The following ZNF770 variants were observed in gnomAD, a reference collection of about 807,000 sequenced individuals.
ZNF770 encodes the protein zinc finger protein 770.
Under a neutral mutation model 44.8 loss-of-function variants are expected in ZNF770, and 13 were observed. That is an observed-to-expected ratio of 0.29 (90% confidence interval 0.19 to 0.46). The LOEUF is 0.46. Ranked by LOEUF, ZNF770 falls within the 20% of genes least tolerant of loss-of-function variation. The pLI is 1.00. For synonymous variants in ZNF770, 304 were observed against 271.8 expected (o/e 1.12, Z -1.17); for missense variants, 681 against 797.9 (o/e 0.85, Z 1.77).
At chr15:34,983,704 A>G (rs920988905) in intron 2 of ZNF770, among the ~76,000 whole-genome samples, 1 of 152,190 alleles carries the variant, frequency 6.6e-6, no homozygotes, top group Non-Finnish European at 1.5e-5. Flanking sequence ...TCTAAAAATC[A>G]ATACAATTTT....
In ZNF770 at chr15:34,982,084, A is replaced by T. The variant is rs979444186; in HGVS notation, c.1351T>A (p.Phe451Ile). 2 of 1,613,790 alleles carry T rather than the reference A, an allele frequency of 1.2e-6. No homozygotes were observed. Among genetic ancestry groups the T allele is most frequent in the Non-Finnish European group, 1.7e-6 (2 of 1,180,024 alleles). ...SICGSSGEEF[F>I]NNCEVLQCGF... ...CACTGAAGTACCTCACAGTTATTAAAGAATTCCTCACCTGATGAACCACAG... is the reference window on the plus strand; with the variant it reads ...CACTGAAGTACCTCACAGTTATTAATGAATTCCTCACCTGATGAACCACAG... Residue 451 changes from phenylalanine to isoleucine, a missense_variant, in exon 3 of 3, where the codon TTT becomes ATT. By Grantham distance (21) the Phe-to-Ile change is conservative. Coordinates refer to ENST00000356321, the MANE Select transcript of ZNF770 (RefSeq NM_014106.4).
In ZNF770 at chr15:34,981,553, T is replaced by C. The variant is rs1234502171; in HGVS notation, c.1882A>G (p.Ser628Gly). 1.9e-6 allele frequency: 3 copies of C among 1,614,192 alleles called. No homozygotes were observed. Among genetic ancestry groups the C allele is most frequent in the Non-Finnish European group, 2.5e-6 (3 of 1,180,030 alleles). The change falls in exon 3 of 3, where the codon AGT becomes GGT. Residue 628 changes from serine to glycine, a missense_variant. This residue lies in a region of ZNF770 where 148 missense variants were observed against 191.0 expected (regional missense o/e 0.77). Transcript: ENST00000356321. ...EKNDVFLYRC[S>G]VCAKSFRSPS... Reference sequence around the variant, plus strand: ...GATCGGAAACTTTTAGCACAAACACTGCATCGGTACAGGAAGACATCATTT... The same window carrying C: ...GATCGGAAACTTTTAGCACAAACACCGCATCGGTACAGGAAGACATCATTT...
At chr15:34,987,288 T>C (rs978955494) in intron 2 of ZNF770, among the ~76,000 whole-genome samples, 3 of 152,222 alleles carry the variant, frequency 2.0e-5, no homozygotes, top group South Asian at 2.1e-4. Flanking sequence ...CTGGGAGCCC[T>C]AGATTGTTAG....
rs58721310 is a variant in ZNF770, at chr15:34,979,972, CA to C, written c.*1386del. 18,995 of 197,570 alleles carry C rather than the reference CA, an allele frequency of 0.096. 2,814 individuals carry two copies. Among genetic ancestry groups the C allele is most frequent in the African/African-American group, 0.36 (14,987 of 41,816 alleles). 12.2% of individuals were successfully genotyped at this position (197,570 alleles called of 1,614,324 possible). A position where few individuals can be genotyped will look rare whatever the true frequency, so the allele number is the denominator to read the frequency against. ...ATTTGGAATGATACCCACAACTCTACAAGCATCTTATCCCTCTACAGGAATG... is the reference window on the plus strand; with the variant it reads ...ATTTGGAATGATACCCACAACTCTACAGCATCTTATCCCTCTACAGGAATG... On this transcript the variant is annotated 3_prime_UTR_variant, in exon 3 of 3. Transcript: ENST00000356321.
Position 34,983,482 on chromosome 15 carries a change from C to T in ZNF770, c.-48G>A. 7 of 1,326,956 alleles carry T rather than the reference C, an allele frequency of 5.3e-6. No homozygotes were observed. Among genetic ancestry groups the T allele is most frequent in the Non-Finnish European group, 6.9e-6 (7 of 1,020,592 alleles). The allele number at this position is 1,326,956 out of a possible 1,614,324, so 82.2% of individuals were successfully genotyped here. On this transcript the variant is annotated 5_prime_UTR_variant, in exon 3 of 3. Coordinates refer to ENST00000356321, the MANE Select transcript of ZNF770 (RefSeq NM_014106.4). ...TGAGCTCCATACTGTTCTTAAATTC[C>T]ACAGATGTCTAAAAATTAAAGGAAA...
Position 34,979,732 on chromosome 15 carries a change from T to C in ZNF770, c.*1627A>G. ...ACTTACAATTGTTCATTTATCCACATTCTCAATAGAGGATTTTCCACTATA... is the reference window on the plus strand; with the variant it reads ...ACTTACAATTGTTCATTTATCCACACTCTCAATAGAGGATTTTCCACTATA... On this transcript the variant is annotated 3_prime_UTR_variant, in exon 3 of 3. Coordinates refer to ENST00000356321, the MANE Select transcript of ZNF770 (RefSeq NM_014106.4). 2.3e-6 allele frequency: 1 copy of C among 441,468 alleles called. No individual in the cohort carries two copies. The highest frequency in any genetic ancestry group is 4.5e-6 in the Non-Finnish European group (1 of 221,304). The allele number at this position is 441,468 out of a possible 1,614,324, so 27.3% of individuals were successfully genotyped here. A position where few individuals can be genotyped will look rare whatever the true frequency, so the allele number is the denominator to read the frequency against.
chr15:34,983,119 T>C lies in ZNF770; in HGVS notation c.316A>G (p.Thr106Ala), dbSNP rs773915158. ...ACCTGTTTAACATTATTCTGATAGGTTTCATTGTGAAGTTGTTGGTGCTTC... is the reference window on the plus strand; with the variant it reads ...ACCTGTTTAACATTATTCTGATAGGCTTCATTGTGAAGTTGTTGGTGCTTC... ...FVKHQQLHNE[T>A]YQNNVKQVRR... The change falls in exon 3 of 3, where the codon ACC becomes GCC. Residue 106 changes from threonine (T) to alanine (A), a missense_variant. Thr to Ala is a moderately conservative substitution (Grantham distance 58). Coordinates refer to ENST00000356321, the MANE Select transcript of ZNF770 (RefSeq NM_014106.4). 6 of 1,613,980 alleles carry C rather than the reference T, an allele frequency of 3.7e-6. No individual in the cohort carries two copies. Among genetic ancestry groups the C allele is most frequent in the Admixed American group, 1.7e-5 (1 of 60,006 alleles).
chr15:34,982,055 A>G lies in ZNF770; in HGVS notation c.1380T>C (p.Gly460=). 1 of 1,613,716 alleles carries G rather than the reference A, an allele frequency of 6.2e-7. No homozygotes were observed. Among genetic ancestry groups the G allele is most frequent in the Non-Finnish European group, 8.5e-7 (1 of 1,179,998 alleles). Residue 460 remains glycine, a synonymous_variant, in exon 3 of 3, where the codon GGT becomes GGC. Coordinates refer to ENST00000356321, the MANE Select transcript of ZNF770 (RefSeq NM_014106.4). ...GTATGTTTTCCCTTGGAACTGAAAAACCACACTGAAGTACCTCACAGTTAT... is the reference window on the plus strand; with the variant it reads ...GTATGTTTTCCCTTGGAACTGAAAAGCCACACTGAAGTACCTCACAGTTAT... ...FFNNCEVLQC[G]FSVPRENIRT...
Position 34,981,225 on chromosome 15 carries a change from T to C in ZNF770, c.*134A>G. On this transcript the variant is annotated 3_prime_UTR_variant, in exon 3 of 3. Coordinates refer to ENST00000356321, the MANE Select transcript of ZNF770 (RefSeq NM_014106.4). ...TAATTTTCTATGTATTCTACCTCCTTACTATGCAGGACAAGCAAATGCCTG... is the reference window on the plus strand; with the variant it reads ...TAATTTTCTATGTATTCTACCTCCTCACTATGCAGGACAAGCAAATGCCTG... 1 of 868,682 alleles carries C rather than the reference T, an allele frequency of 1.2e-6. No homozygotes were observed. The highest frequency in any genetic ancestry group is 1.7e-6 in the Non-Finnish European group (1 of 587,260). 53.8% of individuals were successfully genotyped at this position (868,682 alleles called of 1,614,324 possible).
At chr15:34,983,962 T>C (rs749889539) in intron 2 of ZNF770, among the ~76,000 whole-genome samples, 4 of 152,226 alleles carry the variant, frequency 2.6e-5, no homozygotes, top group Non-Finnish European at 5.9e-5. Context: ...ATTTCACTTA[T>C]CATAGGTGGA....
intron 2 of ZNF770, among the ~76,000 whole-genome samples, chr15:34,985,683 C>T (rs903390432): frequency 1.5e-4 from 23 of 152,192 alleles, no homozygotes; most frequent in Non-Finnish European, 3.2e-4. Context: ...CACCTGAGGT[C>T]AGGAGTTCGA....
intron 2 of ZNF770, among the ~76,000 whole-genome samples, chr15:34,983,917 T>C (rs2050418678): frequency 6.6e-6 from 1 of 151,338 alleles, no homozygotes; most frequent in Non-Finnish European, 1.5e-5. Context: ...TGCATTCAAT[T>C]ATAGCACATT....
chr15:34,985,608 A>T (rs2050428909), intron 2 of ZNF770, among the ~76,000 whole-genome samples: 1 of 152,232 alleles, frequency 6.6e-6, no homozygotes, highest in South Asian at 2.1e-4. Flanking sequence ...TTAAAATAAG[A>T]GCGGAGGCTG....
At chr15:34,985,380 A>C (rs2050427392) in intron 2 of ZNF770, among the ~76,000 whole-genome samples, 1 of 152,206 alleles carries the variant, frequency 6.6e-6, no homozygotes, top group African/African-American at 2.4e-5. Context: ...AACATCCAAC[A>C]AACACGGTGT....
Position 34,978,551 on chromosome 15 carries a change from A to G in ZNF770, c.*2808T>C, listed in dbSNP as rs1448138852. 6.6e-6 allele frequency: 1 copy of G among 152,194 alleles called. No homozygotes were observed. Among genetic ancestry groups the G allele is most frequent in the African/African-American group, 2.4e-5 (1 of 41,446 alleles). The allele number at this position is 152,194 out of a possible 1,614,324, so 9.4% of individuals were successfully genotyped here. A position where few individuals can be genotyped will look rare whatever the true frequency, so the allele number is the denominator to read the frequency against. On this transcript the variant is annotated 3_prime_UTR_variant, in exon 3 of 3. Transcript: ENST00000356321. ...TACAGCCTGGAATCACTCAAACAAAAAATTCTTCTAGTTCTCTTTAAAGAT... is the reference window on the plus strand; with the variant it reads ...TACAGCCTGGAATCACTCAAACAAAGAATTCTTCTAGTTCTCTTTAAAGAT...
rs187509723 is a variant in ZNF770, at chr15:34,980,666, A to G, written c.*693T>C. ...ATGGCAGGCACCTGTAATCCCAGCT[A>G]CTCAGGAGGCTGAGGCAGGAGAATC... On this transcript the variant is annotated 3_prime_UTR_variant, in exon 3 of 3. Coordinates refer to ENST00000356321, the MANE Select transcript of ZNF770 (RefSeq NM_014106.4). The G allele has an allele frequency of 1.3e-5, 2 of 152,344 alleles. No homozygotes were observed. Among genetic ancestry groups the G allele is most frequent in the African/African-American group, 4.8e-5 (2 of 41,508 alleles). The allele number at this position is 152,344 out of a possible 1,614,324, so 9.4% of individuals were successfully genotyped here. A position where few individuals can be genotyped will look rare whatever the true frequency, so the allele number is the denominator to read the frequency against.
chr15:34,987,874 C>A (rs937118518), intron 1 of ZNF770, among the ~76,000 whole-genome samples: 1 of 152,122 alleles, frequency 6.6e-6, no homozygotes, highest in Non-Finnish European at 1.5e-5. Flanking sequence ...CGAGCCGAGT[C>A]CAGAAACCAC....
At position 34,980,002 on chromosome 15, in the gene ZNF770, A is replaced by G. The variant is rs1273274893; in HGVS notation, c.*1357T>C. On this transcript the variant is annotated 3_prime_UTR_variant, in exon 3 of 3. Transcript: ENST00000356321. Reference sequence around the variant, plus strand: ...ATCTTATCCCTCTACAGGAATGACTACCTTATTAATTAAAATAAAAATTTA... The same window carrying G: ...ATCTTATCCCTCTACAGGAATGACTGCCTTATTAATTAAAATAAAAATTTA... The G allele has an allele frequency of 6.4e-6, 1 of 157,398 alleles. No individual in the cohort carries two copies. Among genetic ancestry groups the G allele is most frequent in the African/African-American group, 2.4e-5 (1 of 41,472 alleles). 9.8% of individuals were successfully genotyped at this position (157,398 alleles called of 1,614,324 possible). A position where few individuals can be genotyped will look rare whatever the true frequency, so the allele number is the denominator to read the frequency against.
chr15:34,985,746 T>A (rs546624703), intron 2 of ZNF770, among the ~76,000 whole-genome samples: 4 of 152,084 alleles, frequency 2.6e-5, no homozygotes, highest in African/African-American at 9.6e-5. Context: ...ATACAAAAAT[T>A]AGCTGAGTGT....
Sources: allele counts gnomAD v4.1 joint callset (sites outside exome capture counted in the v4.1 genomes callset), GRCh38; gene constraint gnomAD v4.1.1; regional missense constraint gnomAD v4.1.1; transcripts MANE v1.5; gene names NCBI Gene and HGNC (gene_info 2026-07-23, HGNC 2026-07-21).